The following KHDRBS2 variants were observed in gnomAD, a reference collection of about 807,000 sequenced individuals.
KHDRBS2 encodes KH domain-containing, RNA-binding, signal transduction-associated protein 2.
Under a neutral mutation model 44.3 loss-of-function variants are expected in KHDRBS2, and 26 were observed. The observed-to-expected ratio is 0.59, with a 90% CI of 0.43 to 0.81. The LOEUF (loss-of-function observed/expected upper bound fraction) is 0.81. Ranked by LOEUF, KHDRBS2 falls within the 40% of genes least tolerant of loss-of-function variation. The pLI, the probability that KHDRBS2 is intolerant of heterozygous loss-of-function variation, is 0.00. For synonymous variants in KHDRBS2, 194 were observed against 151.1 expected, an observed-to-expected ratio of 1.28 and a Z score of -2.08; for missense variants, 476 against 433.1, an observed-to-expected ratio of 1.10 and a Z score of -0.88.
chr6:61,554,148 G>T, the KHDRBS2 span, among the ~76,000 whole-genome samples: 2 of 152,086 alleles, frequency 1.3e-5, no homozygotes, highest in Admixed American at 1.3e-4. Context: ...CTCTTCATAG[G>T]TCACTAGAAC....
intron 8 of KHDRBS2, among the ~76,000 whole-genome samples, chr6:61,681,752 T>C (rs1766333601): frequency 6.6e-6 from 1 of 151,850 alleles, no homozygotes; most frequent in African/African-American, 2.4e-5. Context: ...TTCCAAAACA[T>C]TGAGGGTAGT....
intron 4 of KHDRBS2, among the ~76,000 whole-genome samples, chr6:61,947,620 T>C (rs560512578): frequency 3.3e-5 from 5 of 152,062 alleles, no homozygotes; most frequent in Non-Finnish European, 5.9e-5. Context: ...TGGGTCCTAG[T>C]GGATCACAAA....
the KHDRBS2 span, among the ~76,000 whole-genome samples, chr6:61,615,058 A>T: frequency 2.0e-5 from 3 of 151,192 alleles, no homozygotes; most frequent in African/African-American, 7.3e-5. Flanking sequence ...ACAGGTTGAA[A>T]CCCCTTTCTA....
chr6:61,969,811 A>G (rs1471113574), intron 4 of KHDRBS2, among the ~76,000 whole-genome samples: 2 of 152,030 alleles, frequency 1.3e-5, no homozygotes, highest in Non-Finnish European at 2.9e-5. Context: ...TGTGTATTCA[A>G]ATTTTATTCT....
Position 62,013,753 on chromosome 6 carries a change from C to T in KHDRBS2, c.336+34125G>A, listed in dbSNP as rs77052848. Among the ~76,000 whole-genome samples, 362 of 152,282 alleles carry T rather than the reference C, an allele frequency of 2.4e-3. 1 individual carries two copies. Among genetic ancestry groups the T allele is most frequent in the African/African-American group, 7.9e-3 (330 of 41,574 alleles). On this transcript the variant is annotated intron_variant, in intron 3 of 8. Coordinates refer to ENST00000281156, the MANE Select transcript of KHDRBS2 (RefSeq NM_152688.4). The stretch of plus-strand genomic sequence containing the variant: ...AGGTTACTGCTATCCTTTGGCAGTG[C>T]GTTGCCTCACACCAGACACCATTCC...
chr6:62,017,549 T>C (rs973945414), intron 3 of KHDRBS2, among the ~76,000 whole-genome samples: 4 of 152,062 alleles, frequency 2.6e-5, no homozygotes, highest in Non-Finnish European at 1.5e-5. Context: ...GAAAAACTCT[T>C]AAAAAATGTT....
chr6:61,988,555 C>T (rs1456264767), intron 3 of KHDRBS2, among the ~76,000 whole-genome samples: 1 of 143,396 alleles, frequency 7.0e-6, no homozygotes, highest in African/African-American at 2.6e-5. Context: ...TGACAAGACA[C>T]AGAAAATGGG....
At chr6:62,014,728 T>A (rs1425054505) in intron 3 of KHDRBS2, among the ~76,000 whole-genome samples, 1 of 152,164 alleles carries the variant, frequency 6.6e-6, no homozygotes, top group Admixed American at 6.5e-5. Flanking sequence ...TAGAGTTATA[T>A]CTTTCCTAAA....
chr6:61,958,643 C>T (rs1275592849), intron 4 of KHDRBS2, among the ~76,000 whole-genome samples: 1 of 152,162 alleles, frequency 6.6e-6, no homozygotes, highest in African/African-American at 2.4e-5. Context: ...CTTTTGAACA[C>T]CATGAGCCTT....
At chr6:62,021,383 C>A in intron 3 of KHDRBS2, among the ~76,000 whole-genome samples, 1 of 151,840 alleles carries the variant, frequency 6.6e-6, no homozygotes, top group East Asian at 1.9e-4. Flanking sequence ...ATATAACAAA[C>A]CTGCACATGT....
chr6:62,122,059 C>T (rs1262623032), intron 2 of KHDRBS2, among the ~76,000 whole-genome samples: 3 of 151,920 alleles, frequency 2.0e-5, no homozygotes, highest in South Asian at 4.2e-4. Context: ...TCTAGTGACC[C>T]GAAATGTTGC....
intron 1 of KHDRBS2, among the ~76,000 whole-genome samples, chr6:62,178,322 G>T (rs1821558009): frequency 6.6e-6 from 1 of 151,546 alleles, no homozygotes; most frequent in African/African-American, 2.4e-5. Context: ...AAGAAAGCCT[G>T]TGTGGCTGAA....
At chr6:61,675,924 A>C (rs146946086), downstream of KHDRBS2, among the ~76,000 whole-genome samples, 598 of 151,922 alleles carry the variant, frequency 3.9e-3, 1 homozygote, top group African/African-American at 0.014. Context: ...AAATATGCTT[A>C]GGCTGCACTA....
intron 6 of KHDRBS2, among the ~76,000 whole-genome samples, chr6:61,862,204 C>T (rs1429487562): frequency 1.3e-5 from 2 of 152,026 alleles, no homozygotes; most frequent in East Asian, 3.9e-4. Context: ...TTCCTCTTTT[C>T]CTATTGTCAT....
intron 2 of KHDRBS2, among the ~76,000 whole-genome samples, chr6:62,054,840 T>A (rs1465328500): frequency 6.6e-6 from 1 of 152,058 alleles, no homozygotes; most frequent in Non-Finnish European, 1.5e-5. Context: ...GAATTTGATT[T>A]GTTTTAAGCC....
intron 2 of KHDRBS2, among the ~76,000 whole-genome samples, chr6:62,104,965 T>A (rs757096431): frequency 6.6e-6 from 1 of 152,122 alleles, no homozygotes; most frequent in African/African-American, 2.4e-5. Flanking sequence ...GACATCCTTA[T>A]AGATTCTAGA....
the KHDRBS2 span, among the ~76,000 whole-genome samples, chr6:61,590,122 C>A: frequency 6.6e-6 from 1 of 152,116 alleles, no homozygotes; most frequent in Non-Finnish European, 1.5e-5. Flanking sequence ...TGTGTTTTTG[C>A]CCATTTTTTT....
At chr6:62,162,971 T>G (rs1037682611) in intron 2 of KHDRBS2, among the ~76,000 whole-genome samples, 54 of 151,940 alleles carry the variant, frequency 3.6e-4, no homozygotes, top group African/African-American at 1.1e-3. Context: ...TATCCATATG[T>G]TGATGTCAAG....
chr6:61,597,910 TTG>T, the KHDRBS2 span, among the ~76,000 whole-genome samples: 16 of 129,266 alleles, frequency 1.2e-4, 1 homozygote, highest in Admixed American at 1.3e-3. Flanking sequence ...GAGGTTTTTT[TTG>T]TGTTTTTTTT....
Sources: gnomAD v4.1 joint callset for allele counts (sites outside exome capture counted in the v4.1 genomes callset) on GRCh38, gnomAD v4.1.1 for gene constraint, MANE v1.5 for transcripts, NCBI Gene and HGNC (gene_info 2026-07-23, HGNC 2026-07-21) for gene names.